The following PEX7 variants were observed in gnomAD, a reference collection of about 807,000 sequenced individuals.
The protein encoded by PEX7 is PTS2 receptor.
In PEX7, 34 loss-of-function variants were observed where a neutral mutation model predicts 47.5. That is an observed-to-expected ratio of 0.72 (90% CI 0.54 to 0.95). The LOEUF (loss-of-function observed/expected upper bound fraction) is 0.95. PEX7 is among the 40% of genes least tolerant of loss of function. The pLI is 0.00. For synonymous variants in PEX7, 141 were observed against 148.8 expected, an observed-to-expected ratio of 0.95 and a Z score of 0.38; for missense variants, 394 against 400.3, an observed-to-expected ratio of 0.98 and a Z score of 0.13.
At chr6:136,893,192 C>CTTTTTTTTTTTT (rs755460730) in intron 8 of PEX7, among the ~76,000 whole-genome samples, 1 of 150,462 alleles carries the variant, frequency 6.6e-6, no homozygotes. Context: ...CCTTCAGTGG[C>CTTTTTTTTTTTT]TTTTTTTTTC....
intron 3 of PEX7, among the ~76,000 whole-genome samples, chr6:136,827,723 G>A (rs1162174383): frequency 6.6e-6 from 1 of 152,054 alleles, no homozygotes; most frequent in Non-Finnish European, 1.5e-5. Context: ...AGTAGAGACG[G>A]GTTTCACCAT....
chr6:136,871,249 G>A (rs756174767), intron 7 of PEX7, among the ~76,000 whole-genome samples: 3 of 152,088 alleles, frequency 2.0e-5, no homozygotes, highest in Admixed American at 6.6e-5. Context: ...ATTAAAGTGC[G>A]ATAAGACAAA....
At chr6:136,891,543 A>T (rs566185797) in intron 8 of PEX7, among the ~76,000 whole-genome samples, 1 of 152,324 alleles carries the variant, frequency 6.6e-6, no homozygotes, top group African/African-American at 2.4e-5. Flanking sequence ...ACAAGTTCCA[A>T]AACCAAAAAA....
intron 6 of PEX7, among the ~76,000 whole-genome samples, chr6:136,869,255 T>C (rs1163636165): frequency 6.6e-6 from 1 of 152,068 alleles, no homozygotes; most frequent in Admixed American, 6.6e-5. Context: ...TTTATTTTTT[T>C]TTTAGAGACA....
chr6:136,892,552 T>C (rs1418647194), intron 8 of PEX7, among the ~76,000 whole-genome samples: 1 of 152,218 alleles, frequency 6.6e-6, no homozygotes, highest in African/African-American at 2.4e-5. Flanking sequence ...AAATGAGGAT[T>C]ATACCCATTG....
intron 8 of PEX7, among the ~76,000 whole-genome samples, chr6:136,889,193 G>C (rs1028148044): frequency 6.6e-6 from 1 of 151,994 alleles, no homozygotes; most frequent in African/African-American, 2.4e-5. Context: ...GAAAATTCTT[G>C]TGTTAATTAC....
At chr6:136,906,308 T>C (rs1275357763) in intron 9 of PEX7, among the ~76,000 whole-genome samples, 1 of 152,216 alleles carries the variant, frequency 6.6e-6, no homozygotes, top group Non-Finnish European at 1.5e-5. Context: ...TAATTCATGA[T>C]TGTCAAATTG....
intron 5 of PEX7, chr6:136,855,578 A>T (rs1305576548): frequency 1.1e-5 from 2 of 175,668 alleles, no homozygotes; most frequent in Non-Finnish European, 2.4e-5. Context: ...GACCTCAGGT[A>T]ATCCGCCTGC....
intron 6 of PEX7, among the ~76,000 whole-genome samples, chr6:136,867,882 T>TA (rs1775102835): frequency 6.6e-6 from 1 of 152,166 alleles, no homozygotes; most frequent in African/African-American, 2.4e-5. Context: ...AGAAAGGAAA[T>TA]AAAAAATAAA....
chr6:136,828,068 C>G (rs1427556738), intron 3 of PEX7, among the ~76,000 whole-genome samples: 2 of 151,360 alleles, frequency 1.3e-5, no homozygotes, highest in African/African-American at 4.9e-5. Context: ...AGGATGATAA[C>G]TGACATCATA....
At chr6:136,829,508 G>A (rs532885532) in intron 3 of PEX7, among the ~76,000 whole-genome samples, 3 of 152,076 alleles carry the variant, frequency 2.0e-5, no homozygotes, top group Non-Finnish European at 2.9e-5. Context: ...CATTACACTG[G>A]GGGGTTAAGA....
In PEX7 at chr6:136,887,342, A is replaced by C. The variant is rs143337504; in HGVS notation, c.804-10800A>C. 2.1e-3 allele frequency among the ~76,000 whole-genome samples: 325 copies of C among 152,194 alleles called. 3 individuals carry two copies. Among genetic ancestry groups the C allele is most frequent in the African/African-American group, 7.6e-3 (315 of 41,526 alleles). Reference sequence around the variant, plus strand: ...AACCTCCCTGAGCCTTTGTTTCCTCAGTCATAAGATGTACTGCTACGAGAT... The same window carrying C: ...AACCTCCCTGAGCCTTTGTTTCCTCCGTCATAAGATGTACTGCTACGAGAT... On this transcript the variant is annotated intron_variant, in intron 8 of 9. Transcript: ENST00000318471.
At chr6:136,867,310 T>A (rs1775090551) in intron 6 of PEX7, among the ~76,000 whole-genome samples, 1 of 152,158 alleles carries the variant, frequency 6.6e-6, no homozygotes, top group South Asian at 2.1e-4. Context: ...TAACAACATT[T>A]CAGCCAGTGA....
At chr6:136,823,224 A>G (rs1282461133) in intron 1 of PEX7, 1 of 985,294 alleles carries the variant, frequency 1.0e-6, no homozygotes, top group East Asian at 1.1e-4. Flanking sequence ...CACAATTCCC[A>G]GTCTGCATTC....
At chr6:136,837,485 T>C (rs1475575606) in intron 3 of PEX7, among the ~76,000 whole-genome samples, 1 of 152,180 alleles carries the variant, frequency 6.6e-6, no homozygotes, top group African/African-American at 2.4e-5. Flanking sequence ...TATTTTTCTC[T>C]GTCTAAAAAA....
intron 8 of PEX7, among the ~76,000 whole-genome samples, chr6:136,877,415 C>T (rs543709077): frequency 3.3e-5 from 5 of 152,150 alleles, no homozygotes; most frequent in Non-Finnish European, 5.9e-5. Context: ...ATGGTATTGC[C>T]TAGGTTTTCT....
intron 9 of PEX7, among the ~76,000 whole-genome samples, chr6:136,912,448 G>T (rs1357741232): frequency 6.6e-6 from 1 of 151,756 alleles, no homozygotes; most frequent in Admixed American, 6.6e-5. Context: ...TGGATATTCA[G>T]TTGTTCTGCC....
chr6:136,882,175 CTTTTTTTTTTT>C (rs35653586), intron 8 of PEX7, among the ~76,000 whole-genome samples: 2 of 104,324 alleles, frequency 1.9e-5, no homozygotes, highest in Non-Finnish European at 3.8e-5. Context: ...TCTTCTTCTT[CTTTTTTTTTTT>C]TTTTTTTTTT....
chr6:136,888,022 C>T (rs767126979), intron 8 of PEX7, among the ~76,000 whole-genome samples: 2 of 151,630 alleles, frequency 1.3e-5, no homozygotes, highest in Admixed American at 6.6e-5. Flanking sequence ...CTTTTTTGAT[C>T]CTTATGTTTA....
Sources: gnomAD v4.1 joint callset for allele counts (sites outside exome capture counted in the v4.1 genomes callset) on GRCh38, gnomAD v4.1.1 for gene constraint, MANE v1.5 for transcripts, NCBI Gene and HGNC (gene_info 2026-07-23, HGNC 2026-07-21) for gene names.